GRHL2: variants seen among roughly 807,000 people sequenced by gnomAD.
GRHL2 encodes grainyhead like transcription factor 2.
A neutral mutation model predicts 83.8 loss-of-function variants in GRHL2; 21 were observed. The observed-to-expected ratio is 0.25, with a 90% CI of 0.18 to 0.36. The LOEUF is 0.36. GRHL2 is among the 10% of genes least tolerant of loss of function. The pLI is 1.00. For synonymous variants in GRHL2, 280 were observed against 278.9 expected, an observed-to-expected ratio of 1.00 and a Z score of -0.04; for missense variants, 623 against 781.8, an observed-to-expected ratio of 0.80 and a Z score of 2.42.
intron 1 of GRHL2, among the ~76,000 whole-genome samples, chr8:101,533,142 T>G (rs1348348038): frequency 1.4e-5 from 2 of 146,980 alleles, no homozygotes; most frequent in Non-Finnish European, 3.0e-5. Flanking sequence ...GAATCTCCAC[T>G]TTTTTTTTTA....
At chr8:101,636,722 A>C (rs1023683030) in intron 11 of GRHL2, 175 bp from the exon 12 acceptor site, 10 of 488,930 alleles carry the variant, frequency 2.0e-5, no homozygotes, top group Non-Finnish European at 3.5e-5. Context: ...TTTCCTTAGA[A>C]ATACACACAC....
intron 5 of GRHL2, among the ~76,000 whole-genome samples, chr8:101,570,730 T>A (rs947229165): frequency 3.3e-5 from 5 of 152,338 alleles, no homozygotes; most frequent in Middle Eastern, 3.4e-3. Flanking sequence ...TCCACTTGTT[T>A]CACACCTGGT....
At chr8:101,511,933 AATAC>A (rs1372028227) in intron 1 of GRHL2, among the ~76,000 whole-genome samples, 27 of 152,210 alleles carry the variant, frequency 1.8e-4, no homozygotes, top group Non-Finnish European at 8.8e-5. Flanking sequence ...TTTATTAAGC[AATAC>A]ATAATATTTC....
In GRHL2 at chr8:101,662,323, G is replaced by A. The variant is rs111982360; in HGVS notation, c.1699-2131G>A. ...TGGATTAGTGATGTCTGTCAGGCCC[G>A]CTACTTGGTCCCAGTCTCCTTCTGC... On this transcript the variant is annotated intron_variant, in intron 14 of 15. Coordinates refer to ENST00000646743, the MANE Select transcript of GRHL2 (RefSeq NM_024915.4). Among the ~76,000 whole-genome samples the A allele has an allele frequency of 7.8e-3, 1,194 of 152,272 alleles. 16 individuals are homozygous for A. Among genetic ancestry groups the A allele is most frequent in the African/African-American group, 0.026 (1,068 of 41,556 alleles).
At chr8:101,497,075 C>T (rs1289494393) in intron 1 of GRHL2, among the ~76,000 whole-genome samples, 1 of 152,134 alleles carries the variant, frequency 6.6e-6, no homozygotes, top group African/African-American at 2.4e-5. Context: ...TTGTTTCTTT[C>T]CCTGAGTATC....
chr8:101,664,544 G>T, intron 15 of GRHL2, 26 bp downstream of exon 15: 1 of 1,531,098 alleles, frequency 6.5e-7, no homozygotes, highest in South Asian at 1.1e-5. Context: ...AACTTAAATT[G>T]ACTTTCAAAT....
intron 14 of GRHL2, among the ~76,000 whole-genome samples, chr8:101,655,183 TAA>T (rs34917135): frequency 0.41 from 59,443 of 143,972 alleles, 14,389 homozygotes; most frequent in African/African-American, 0.7. Context: ...ACTCCAATCC[TAA>T]AAAAAAAAAA....
rs537450506 is a variant in GRHL2, at chr8:101,534,500, T to C, written c.21-8741T>C. On this transcript the variant is annotated intron_variant, in intron 1 of 15. Coordinates refer to ENST00000646743, the MANE Select transcript of GRHL2 (RefSeq NM_024915.4). Reference sequence around the variant, plus strand: ...ATTATCTAACTCTGTGGTAATATAATATCACTTCTGCTATGTCCTATTGGT... The same window carrying C: ...ATTATCTAACTCTGTGGTAATATAACATCACTTCTGCTATGTCCTATTGGT... Among the ~76,000 whole-genome samples the C allele has an allele frequency of 9.9e-5, 15 of 152,210 alleles. No homozygotes were observed. The East Asian group carries it at 2.9e-3, about 29-fold the overall frequency.
At chr8:101,654,757 A>G (rs1372985252) in intron 14 of GRHL2, among the ~76,000 whole-genome samples, 1 of 152,176 alleles carries the variant, frequency 6.6e-6, no homozygotes, top group African/African-American at 2.4e-5. Context: ...ACAGCCTACA[A>G]GGGTTTCCTG....
intron 1 of GRHL2, among the ~76,000 whole-genome samples, chr8:101,538,198 T>C (rs1811084316): frequency 6.6e-6 from 1 of 152,212 alleles, no homozygotes; most frequent in African/African-American, 2.4e-5. Flanking sequence ...GAAAATGTTA[T>C]GTGTTAAGCT....
At chr8:101,550,739 C>T (rs1184288071) in intron 2 of GRHL2, among the ~76,000 whole-genome samples, 1 of 152,214 alleles carries the variant, frequency 6.6e-6, no homozygotes, top group Non-Finnish European at 1.5e-5. Context: ...ACAGAAAACT[C>T]TGTACTGTTT....
At chr8:101,612,016 C>T (rs10955262) in intron 8 of GRHL2, among the ~76,000 whole-genome samples, 46,534 of 150,350 alleles carry the variant, frequency 0.31, 8,595 homozygotes, top group African/African-American at 0.43. Flanking sequence ...GAGTCTCGCT[C>T]GCTCTGTCAC....
At chr8:101,642,605 A>G (rs145298944) in intron 12 of GRHL2, among the ~76,000 whole-genome samples, 30 of 152,310 alleles carry the variant, frequency 2.0e-4, no homozygotes, top group African/African-American at 6.7e-4. Context: ...GGCAGAGGGA[A>G]CACTGCCCTA....
chr8:101,627,985 A>G (rs1813113568), intron 9 of GRHL2, among the ~76,000 whole-genome samples: 2 of 152,188 alleles, frequency 1.3e-5, no homozygotes, highest in South Asian at 4.1e-4. Flanking sequence ...ATTCAAGCAA[A>G]GAAACCATCT....
chr8:101,654,589 TA>T (rs1563628642), intron 14 of GRHL2, among the ~76,000 whole-genome samples: 1 of 152,126 alleles, frequency 6.6e-6, no homozygotes, highest in Admixed American at 6.6e-5. Context: ...GAGTTTTCTT[TA>T]AAAAAAATAA....
At chr8:101,575,609 C>G (rs942867068) in intron 6 of GRHL2, among the ~76,000 whole-genome samples, 1 of 152,122 alleles carries the variant, frequency 6.6e-6, no homozygotes, top group African/African-American at 2.4e-5. Context: ...GCATGTAGGG[C>G]GTGGTAACAA....
intron 14 of GRHL2, among the ~76,000 whole-genome samples, chr8:101,661,613 A>G (rs1203291694): frequency 6.6e-6 from 1 of 152,076 alleles, no homozygotes; most frequent in Non-Finnish European, 1.5e-5. Flanking sequence ...TTGTACTTTT[A>G]TTTTTCATTT....
intron 1 of GRHL2, among the ~76,000 whole-genome samples, chr8:101,540,332 ATACT>A (rs557618638): frequency 1.8e-3 from 273 of 152,308 alleles, no homozygotes; most frequent in Non-Finnish European, 3.5e-3. Context: ...TGGTGAACAA[ATACT>A]TACTTCTAAG....
intron 4 of GRHL2, chr8:101,562,041 T>C (rs1459243946): frequency 1.0e-5 from 8 of 772,022 alleles, no homozygotes; most frequent in Non-Finnish European, 1.6e-5. Context: ...GTAACTGTTG[T>C]ACCATTTTCT....
Sources: allele counts gnomAD v4.1 joint callset (sites outside exome capture counted in the v4.1 genomes callset), GRCh38; gene constraint gnomAD v4.1.1; transcripts MANE v1.5; gene names NCBI Gene and HGNC (gene_info 2026-07-23, HGNC 2026-07-21).